The following MTA3 variants were observed in gnomAD, a reference collection of about 807,000 sequenced individuals.
MTA3 encodes the protein metastasis-associated protein MTA3.
Under a neutral mutation model 83.5 loss-of-function variants are expected in MTA3, and 34 were observed. The observed-to-expected ratio is 0.41, with a 90% CI of 0.31 to 0.54. The LOEUF (loss-of-function observed/expected upper bound fraction) is 0.54. Among genes scored for constraint, MTA3 ranks in the 20% least tolerant of loss-of-function variants. The pLI, the probability that MTA3 is intolerant of heterozygous loss-of-function variation, is 0.33. For missense variants in MTA3, 761 were observed against 726.4 expected (o/e 1.05, Z -0.55); for synonymous variants, 303 against 252.7 (o/e 1.20, Z -1.89).
Position 42,755,469 on chromosome 2 carries a change from G to T in MTA3, c.*2070G>T, listed in dbSNP as rs896563760. Reference sequence around the variant, plus strand: ...GTTGACATTTGGCTTTGGGAAAAGCGCAGCTTGTTCGAGCCACGTGTGCCA... The same window carrying T: ...GTTGACATTTGGCTTTGGGAAAAGCTCAGCTTGTTCGAGCCACGTGTGCCA... On this transcript the variant is annotated 3_prime_UTR_variant, in exon 17 of 17. Coordinates refer to ENST00000405094, the MANE Select transcript of MTA3 (RefSeq NM_001330442.2). 1.0e-6 allele frequency: 1 copy of T among 985,482 alleles called. No individual in the cohort carries two copies. Among genetic ancestry groups the T allele is most frequent in the Non-Finnish European group, 1.2e-6 (1 of 829,980 alleles). The allele number at this position is 985,482 out of a possible 1,614,324, so 61.0% of individuals were successfully genotyped here. A position where few individuals can be genotyped will look rare whatever the true frequency, so the allele number is the denominator to read the frequency against.
intron 16 of MTA3, among the ~76,000 whole-genome samples, chr2:42,736,412 C>A (rs1443931766): frequency 6.6e-6 from 1 of 152,116 alleles, no homozygotes; most frequent in African/African-American, 2.4e-5. Flanking sequence ...TGGGGCTCAC[C>A]CAAGGCCTAT....
chr2:42,507,960 A>C (rs1344030076), intron 2 of MTA3, among the ~76,000 whole-genome samples: 1 of 151,842 alleles, frequency 6.6e-6, no homozygotes, highest in Non-Finnish European at 1.5e-5. Context: ...AAAAAAAAGA[A>C]AGAAAGAAAC....
At chr2:42,593,354 AC>A (rs774557550) in intron 3 of MTA3, among the ~76,000 whole-genome samples, 140 of 147,762 alleles carry the variant, frequency 9.5e-4, no homozygotes, top group Middle Eastern at 3.6e-3. Context: ...CTGTGTCAAA[AC>A]AAAAAAAAGT....
intron 8 of MTA3, among the ~76,000 whole-genome samples, chr2:42,662,615 G>A (rs191711081): frequency 6.6e-6 from 1 of 151,614 alleles, no homozygotes; most frequent in East Asian, 1.9e-4. Context: ...ATTTTTCCCT[G>A]TGCAAGCACC....
intron 5 of MTA3, 104 bp from the exon 6 acceptor site, chr2:42,644,023 A>G (rs529647060): frequency 5.0e-6 from 3 of 604,120 alleles, no homozygotes; most frequent in South Asian, 6.6e-5. Flanking sequence ...GAAATTTTAT[A>G]TACTCTCTGG....
At chr2:42,506,140 AATT>A (rs1386024136) in intron 2 of MTA3, among the ~76,000 whole-genome samples, 2 of 152,092 alleles carry the variant, frequency 1.3e-5, no homozygotes, top group African/African-American at 2.4e-5. Flanking sequence ...ATGTATTTGA[AATT>A]ATCCATAATA....
At chr2:42,725,811 G>T (rs1385137470) in intron 16 of MTA3, among the ~76,000 whole-genome samples, 1 of 152,208 alleles carries the variant, frequency 6.6e-6, no homozygotes. Flanking sequence ...CCCTGCTGGT[G>T]TGACACAGAG....
chr2:42,643,121 T>C (rs1687854440), intron 5 of MTA3, among the ~76,000 whole-genome samples: 1 of 150,412 alleles, frequency 6.6e-6, no homozygotes, highest in African/African-American at 2.4e-5. Context: ...GCACAGAATT[T>C]CTCAGTGGTT....
At chr2:42,728,210 G>A (rs1303393543) in intron 16 of MTA3, among the ~76,000 whole-genome samples, 2 of 152,052 alleles carry the variant, frequency 1.3e-5, no homozygotes, top group Non-Finnish European at 2.9e-5. Context: ...TTCTGTTCAT[G>A]GCTTATTTCA....
At chr2:42,657,286 T>A (rs1229360906) in intron 7 of MTA3, among the ~76,000 whole-genome samples, 1 of 152,284 alleles carries the variant, frequency 6.6e-6, no homozygotes, top group African/African-American at 2.4e-5. Context: ...TCACTGTTCA[T>A]AGAGCCAGTC....
In MTA3 at chr2:42,755,353, G is replaced by A. The variant is rs1340822442; in HGVS notation, c.*1954G>A. ...CAGCTTCATTTTCTCTGCCTTTTGG[G>A]AGAGGCCCTCTCACCCAGGCCCAAG... is the stretch of plus-strand genomic sequence containing the variant. On this transcript the variant is annotated 3_prime_UTR_variant, in exon 17 of 17. Transcript: ENST00000405094. The A allele has an allele frequency of 1.0e-6, 1 of 985,384 alleles. No homozygotes were observed. The highest frequency in any genetic ancestry group is 6.1e-5 in the Admixed American group (1 of 16,268). 61.0% of individuals were successfully genotyped at this position (985,384 alleles called of 1,614,324 possible).
chr2:42,696,085 T>G (rs951477020), intron 10 of MTA3, among the ~76,000 whole-genome samples: 1 of 152,212 alleles, frequency 6.6e-6, no homozygotes, highest in Non-Finnish European at 1.5e-5. Flanking sequence ...TTATTTTCCT[T>G]GCATTTGACT....
At chr2:42,540,197 A>G (rs1448822923) in intron 2 of MTA3, among the ~76,000 whole-genome samples, 2 of 142,358 alleles carry the variant, frequency 1.4e-5, no homozygotes, top group Non-Finnish European at 3.0e-5. Context: ...TTTTGTAGAC[A>G]GGGTCTCACT....
chr2:42,618,019 A>G (rs1165545880), intron 4 of MTA3, among the ~76,000 whole-genome samples: 1 of 151,942 alleles, frequency 6.6e-6, no homozygotes, highest in Non-Finnish European at 1.5e-5. Flanking sequence ...ATCATAGCTC[A>G]CTGTAGCCTC....
Position 42,754,268 on chromosome 2 carries a change from A to C in MTA3, c.*869A>C. ...TGCCAGGTGGGTCCTACAGCAGGTCACAAATGACCTAGTTTCATTTTAAGC... is the reference window on the plus strand; with the variant it reads ...TGCCAGGTGGGTCCTACAGCAGGTCCCAAATGACCTAGTTTCATTTTAAGC... On this transcript the variant is annotated 3_prime_UTR_variant, in exon 17 of 17. Transcript: ENST00000405094. 2 of 985,496 alleles carry C rather than the reference A, an allele frequency of 2.0e-6. No homozygotes were observed. Among genetic ancestry groups the C allele is most frequent in the Non-Finnish European group, 2.4e-6 (2 of 829,960 alleles). The allele number at this position is 985,496 out of a possible 1,614,324, so 61.0% of individuals were successfully genotyped here. A position where few individuals can be genotyped will look rare whatever the true frequency, so the allele number is the denominator to read the frequency against.
Position 42,755,703 on chromosome 2 carries a change from G to A in MTA3, c.*2304G>A. On this transcript the variant is annotated 3_prime_UTR_variant, in exon 17 of 17. Coordinates refer to ENST00000405094, the MANE Select transcript of MTA3 (RefSeq NM_001330442.2). Reference sequence around the variant, plus strand: ...CGTTGGAAGCATTTGGTGCTGAGAGGGTTTCCCAGCCACCCGCTCCCTTTC... The same window carrying A: ...CGTTGGAAGCATTTGGTGCTGAGAGAGTTTCCCAGCCACCCGCTCCCTTTC... 1 of 985,588 alleles carries A rather than the reference G, an allele frequency of 1.0e-6. No homozygotes were observed. The highest frequency in any genetic ancestry group is 1.2e-6 in the Non-Finnish European group (1 of 830,038). 61.1% of individuals were successfully genotyped at this position (985,588 alleles called of 1,614,324 possible).
intron 8 of MTA3, among the ~76,000 whole-genome samples, chr2:42,662,178 A>G (rs766144705): frequency 2.8e-4 from 42 of 152,062 alleles, no homozygotes; most frequent in Non-Finnish European, 3.7e-4. Context: ...ACACAACATT[A>G]TTTATGTATT....
At chr2:42,590,971 G>A (rs1680922167) in intron 3 of MTA3, among the ~76,000 whole-genome samples, 1 of 152,120 alleles carries the variant, frequency 6.6e-6, no homozygotes, top group Non-Finnish European at 1.5e-5. Flanking sequence ...TAGAGGATTA[G>A]GGTATTTTTC....
At chr2:42,697,531 T>G (rs1431313694) in intron 10 of MTA3, among the ~76,000 whole-genome samples, 1 of 152,216 alleles carries the variant, frequency 6.6e-6, no homozygotes, top group Non-Finnish European at 1.5e-5. Context: ...ATGGAGTTGC[T>G]CATTGCTTTA....
Sources: gnomAD v4.1 joint callset for allele counts (sites outside exome capture counted in the v4.1 genomes callset) on GRCh38, gnomAD v4.1.1 for gene constraint, MANE v1.5 for transcripts, NCBI Gene and HGNC (gene_info 2026-07-23, HGNC 2026-07-21) for gene names.